SOX5: variants seen among roughly 807,000 people sequenced by gnomAD.
SOX5 encodes the protein transcription factor SOX-5.
In SOX5, 9 loss-of-function variants were observed where a neutral mutation model predicts 92.0. The observed-to-expected ratio is 0.10, with a 90% CI of 0.06 to 0.17. SOX5 has a LOEUF of 0.17. Ranked by LOEUF, SOX5 falls within the 10% of genes least tolerant of loss-of-function variation. The pLI, the probability that SOX5 is intolerant of heterozygous loss-of-function variation, is 1.00. For missense variants in SOX5, 642 were observed against 944.5 expected, an observed-to-expected ratio of 0.68 and a Z score of 4.20; for synonymous variants, 344 against 336.3, an observed-to-expected ratio of 1.02 and a Z score of -0.25.
intron 7 of SOX5, among the ~76,000 whole-genome samples, chr12:23,664,876 C>G (rs1340850814): frequency 6.6e-6 from 1 of 152,020 alleles, no homozygotes; most frequent in Non-Finnish European, 1.5e-5. Flanking sequence ...TATACAGAAT[C>G]CAAAGGAAGC....
chr12:24,102,857 G>T lies in SOX5; in HGVS notation c.-2+110486C>A, dbSNP rs138419571. Among the ~76,000 whole-genome samples, 663 of 152,258 alleles carry T rather than the reference G, an allele frequency of 4.4e-3. 19 individuals are homozygous for T. Among genetic ancestry groups the T allele is most frequent in the Admixed American group, 0.035 (530 of 15,286 alleles). On this transcript the variant is annotated intron_variant, in intron 4 of 4. Transcript: ENST00000446891. ...TTTTATTATGTTAGAGACTCTAATTGAACTTTGTTCCAAGCTATTAACCTA... is the reference window on the plus strand; with the variant it reads ...TTTTATTATGTTAGAGACTCTAATTTAACTTTGTTCCAAGCTATTAACCTA...
chr12:24,200,251 C>A (rs1010684480), intron 4 of SOX5, among the ~76,000 whole-genome samples: 6 of 152,162 alleles, frequency 3.9e-5, no homozygotes, highest in Admixed American at 3.9e-4. Context: ...AATTTAACCT[C>A]TCTGAGCTTC....
chr12:24,484,414 C>T (rs988691602), intron 1 of SOX5, among the ~76,000 whole-genome samples: 1 of 152,134 alleles, frequency 6.6e-6, no homozygotes, highest in African/African-American at 2.4e-5. Context: ...ACCTTGCTGC[C>T]TTTTGCTAGC....
intron 4 of SOX5, among the ~76,000 whole-genome samples, chr12:24,198,761 G>C (rs1957246088): frequency 2.0e-5 from 3 of 152,194 alleles, no homozygotes; most frequent in Admixed American, 2.0e-4. Flanking sequence ...GGAGAAGAAA[G>C]ATTCACCAGG....
At chr12:23,734,309 C>G (rs988505011) in intron 6 of SOX5, among the ~76,000 whole-genome samples, 3 of 152,150 alleles carry the variant, frequency 2.0e-5, no homozygotes, top group Non-Finnish European at 2.9e-5. Context: ...AAAGTTCTAT[C>G]TGGTACTACT....
chr12:23,936,012 T>C (rs964171121), intron 1 of SOX5, among the ~76,000 whole-genome samples: 8 of 151,166 alleles, frequency 5.3e-5, no homozygotes, highest in Non-Finnish European at 8.9e-5. Context: ...TCTTCATTTG[T>C]GAAATGAGGT....
At chr12:23,601,950 G>A (rs541622138) in intron 9 of SOX5, among the ~76,000 whole-genome samples, 2 of 152,086 alleles carry the variant, frequency 1.3e-5, no homozygotes, top group African/African-American at 2.4e-5. Context: ...TTATTAAATC[G>A]TTGTTACTTG....
At chr12:24,226,293 C>T (rs538487729) in intron 3 of SOX5, among the ~76,000 whole-genome samples, 94 of 152,162 alleles carry the variant, frequency 6.2e-4, no homozygotes, top group African/African-American at 2.2e-3. Context: ...GCTTATACTT[C>T]CTGTATTATT....
At chr12:24,000,945 T>TA (rs1474382642) in intron 4 of SOX5, among the ~76,000 whole-genome samples, 2 of 152,142 alleles carry the variant, frequency 1.3e-5, no homozygotes, top group Non-Finnish European at 2.9e-5. Flanking sequence ...TTGACCTAAC[T>TA]AAAATCTATA....
rs1353788584 is a variant in SOX5, at chr12:23,895,799, A to G, written c.264T>C (p.Asn88=). 8 of 1,607,034 alleles carry G rather than the reference A, an allele frequency of 5.0e-6. No homozygotes were observed. The highest frequency in any genetic ancestry group is 2.2e-5 in the East Asian group (1 of 44,844). ...CGHRTPTSQH[N]TMEVDGNKVM... ...TAAACCATGAGAAACCTACCATTGTATTGTGCTGAGAAGTGGGAGTCCTAT... is the reference window on the plus strand; with the variant it reads ...TAAACCATGAGAAACCTACCATTGTGTTGTGCTGAGAAGTGGGAGTCCTAT... The change falls in exon 2 of 15, where the codon AAT becomes AAC. Residue 88 remains asparagine, a synonymous_variant. Transcript: ENST00000451604.
chr12:23,549,418 A>C (rs1943757014), intron 11 of SOX5, among the ~76,000 whole-genome samples: 1 of 151,956 alleles, frequency 6.6e-6, no homozygotes, highest in African/African-American at 2.4e-5. Flanking sequence ...GTTACTCAAG[A>C]GTTTCTGCAG....
Position 24,188,132 on chromosome 12 carries a change from G to T in SOX5, c.-2+25211C>A, listed in dbSNP as rs565062398. Among the ~76,000 whole-genome samples, 3 of 152,240 alleles carry T rather than the reference G, an allele frequency of 2.0e-5. No homozygotes were observed. The South Asian group carries it at 6.2e-4, about 32-fold the overall frequency. ...TGATCAAAAGCTGGGAGTGAACAAA[G>T]TCTGAATGCTTCTCTTTTCAAGTAA... On this transcript the variant is annotated intron_variant, in intron 4 of 4. Coordinates refer to the SOX5 transcript ENST00000446891.
At chr12:23,634,825 C>G (rs924054247) in intron 8 of SOX5, among the ~76,000 whole-genome samples, 1 of 151,996 alleles carries the variant, frequency 6.6e-6, no homozygotes, top group Non-Finnish European at 1.5e-5. Context: ...ATATAGAAAA[C>G]TAATTATTAG....
At chr12:23,698,453 T>C (rs1271010076) in intron 6 of SOX5, among the ~76,000 whole-genome samples, 8 of 152,186 alleles carry the variant, frequency 5.3e-5, no homozygotes, top group Non-Finnish European at 8.8e-5. Context: ...TCTTTTGCAA[T>C]TTCTGATCCC....
intron 4 of SOX5, among the ~76,000 whole-genome samples, chr12:24,084,245 T>A (rs1314295665): frequency 2.0e-5 from 3 of 152,188 alleles, no homozygotes; most frequent in Middle Eastern, 3.4e-3. Context: ...TCCAAGGGGA[T>A]AAATTCAGTT....
chr12:24,065,673 A>G (rs992144685), intron 4 of SOX5, among the ~76,000 whole-genome samples: 4 of 151,304 alleles, frequency 2.6e-5, no homozygotes, highest in Non-Finnish European at 5.9e-5. Flanking sequence ...AAAAGAAAAG[A>G]AAAAAGAAAA....
intron 3 of SOX5, among the ~76,000 whole-genome samples, chr12:24,265,813 ACT>A (rs1942920633): frequency 6.6e-6 from 1 of 152,016 alleles, no homozygotes; most frequent in South Asian, 2.1e-4. Flanking sequence ...ATTTCCTATG[ACT>A]CTGGTGTGGT....
intron 8 of SOX5, among the ~76,000 whole-genome samples, chr12:23,611,126 A>G (rs1249625381): frequency 1.3e-5 from 2 of 152,058 alleles, no homozygotes; most frequent in Non-Finnish European, 2.9e-5. Context: ...TTATAAAATT[A>G]TTATTTGACC....
chr12:24,173,868 G>A (rs752814286), intron 4 of SOX5, among the ~76,000 whole-genome samples: 2 of 152,156 alleles, frequency 1.3e-5, no homozygotes, highest in Non-Finnish European at 2.9e-5. Flanking sequence ...CGTGGAAAAT[G>A]ATGATCCACA....
Sources: gnomAD v4.1 joint callset for allele counts (sites outside exome capture counted in the v4.1 genomes callset) on GRCh38, gnomAD v4.1.1 for gene constraint, MANE v1.5 for transcripts, NCBI Gene and HGNC (gene_info 2026-07-23, HGNC 2026-07-21) for gene names.